The following NRN1 variants were observed in gnomAD, a reference collection of about 807,000 sequenced individuals.
NRN1 encodes neuritin.
A neutral mutation model predicts 15.0 loss-of-function variants in NRN1; 4 were observed. The observed-to-expected ratio is 0.27, with a 90% CI of 0.13 to 0.61. The LOEUF (loss-of-function observed/expected upper bound fraction) is 0.61. Ranked by LOEUF, NRN1 falls within the 20% of genes least tolerant of loss-of-function variation. NRN1 has a pLI of 0.87. For missense variants in NRN1, 134 were observed against 181.9 expected (o/e 0.74, Z 1.51); for synonymous variants, 85 against 79.8 (o/e 1.07, Z -0.35).
At chr6:5,999,414 C>G (rs1460984208) in intron 2 of NRN1, among the ~76,000 whole-genome samples, 1 of 152,196 alleles carries the variant, frequency 6.6e-6, no homozygotes, top group African/African-American at 2.4e-5. Flanking sequence ...CTGTCTAAAG[C>G]GGGGGTGGGG....
At chr6:6,002,111 T>C (rs550372369) in intron 2 of NRN1, among the ~76,000 whole-genome samples, 62 of 152,374 alleles carry the variant, frequency 4.1e-4, no homozygotes, top group Non-Finnish European at 7.3e-4. Flanking sequence ...GAGCTGGGAC[T>C]GGGTCTATAT....
chr6:6,004,760 C>A (rs915301367), intron 1 of NRN1, among the ~76,000 whole-genome samples: 2 of 152,164 alleles, frequency 1.3e-5, no homozygotes, highest in Non-Finnish European at 1.5e-5. Context: ...CCCGCTTAGG[C>A]GAGACTCTAG....
In NRN1 at chr6:5,998,955, C is replaced by CG. The variant is rs760524049; in HGVS notation, c.*20dup. 796 of 1,577,724 alleles carry CG rather than the reference C, an allele frequency of 5.0e-4. 1 individual carries two copies. Among genetic ancestry groups the CG allele is most frequent in the Non-Finnish European group, 6.6e-4 (762 of 1,154,822 alleles). On this transcript the variant is annotated 3_prime_UTR_variant, in exon 3 of 3. Transcript: ENST00000244766. ...CATGGAGTGAGTGTGGGTGGGCGCG[C>CG]GGGGGGAGCTGGCCCCACGCTCAGA...
chr6:6,006,745 C>T lies in NRN1; in HGVS notation c.5G>A (p.Gly2Glu). M[G>E]LKLNGRYISL... ...AATATATCTGCCGTTCAACTTAAGT[C>T]CCATCCTACGTTTAGTCAAACCATT... is the stretch of plus-strand genomic sequence containing the variant. Residue 2 changes from glycine (G) to glutamate (E), a missense_variant, in exon 1 of 3, where the codon GGA becomes GAA. Physicochemically the swap from Gly to Glu is moderately conservative, Grantham distance 98. Coordinates refer to ENST00000244766, the MANE Select transcript of NRN1 (RefSeq NM_016588.3). The T allele has an allele frequency of 6.2e-7, 1 of 1,614,084 alleles. No individual in the cohort carries two copies. Among genetic ancestry groups the T allele is most frequent in the Non-Finnish European group, 8.5e-7 (1 of 1,179,940 alleles).
chr6:6,000,754 C>CTTTTTTTTT (rs1561902807), intron 2 of NRN1, among the ~76,000 whole-genome samples: 13 of 83,746 alleles, frequency 1.6e-4, no homozygotes, highest in African/African-American at 4.9e-4. Context: ...TTTTTATGTA[C>CTTTTTTTTT]GCCCAGATGA....
rs1757828609 is a variant in NRN1 at position 5,998,471 on chromosome 6, T to C, written c.*505A>G. The C allele has an allele frequency of 6.5e-6, 1 of 153,392 alleles. No homozygotes were observed. The highest frequency in any genetic ancestry group is 6.5e-5 in the Admixed American group (1 of 15,436). 9.5% of individuals were successfully genotyped at this position (153,392 alleles called of 1,614,324 possible). On this transcript the variant is annotated 3_prime_UTR_variant, in exon 3 of 3. Transcript: ENST00000244766. ...TGCAGTGGAAATGATCAAAACAAGA[T>C]ACTGTGGAAGAACGACGTGAGCGTG...
At chr6:6,005,090 T>C (rs1418594242) in intron 1 of NRN1, among the ~76,000 whole-genome samples, 3 of 152,130 alleles carry the variant, frequency 2.0e-5, no homozygotes, top group African/African-American at 7.2e-5. Context: ...CCGAGGTTAA[T>C]GTGTTCAAAA....
At chr6:6,003,325 G>A (rs1758015690) in intron 1 of NRN1, 1 of 1,092,150 alleles carries the variant, frequency 9.2e-7, no homozygotes, top group Non-Finnish European at 1.2e-6. Flanking sequence ...AGTCTGCCTG[G>A]GTCACCTCCG....
At position 5,998,715 on chromosome 6, in the gene NRN1, T is replaced by C. The variant is rs1305418055; in HGVS notation, c.*261A>G. 4 of 370,994 alleles carry C rather than the reference T, an allele frequency of 1.1e-5. No individual in the cohort carries two copies. Among genetic ancestry groups the C allele is most frequent in the African/African-American group, 2.1e-5 (1 of 48,324 alleles). The allele number at this position is 370,994 out of a possible 1,614,324, so 23.0% of individuals were successfully genotyped here. On this transcript the variant is annotated 3_prime_UTR_variant, in exon 3 of 3. Transcript: ENST00000244766. ...AAATGGGGTGGGTTTGCCGTTTTCT[T>C]ATTTGTGTGTGAAGACGGACTAAAG...
Position 6,002,606 on chromosome 6 carries a change from C to T in NRN1, c.56-109G>A. 2.8e-6 allele frequency: 4 copies of T among 1,433,716 alleles called. No individual in the cohort carries two copies. In the African/African-American group the frequency reaches 5.6e-5, roughly 20 times the overall value. The allele number at this position is 1,433,716 out of a possible 1,614,324, so 88.8% of individuals were successfully genotyped here. On this transcript the variant is annotated intron_variant, in intron 1 of 2. Coordinates refer to ENST00000244766, the MANE Select transcript of NRN1 (RefSeq NM_016588.3). Reference sequence around the variant, plus strand: ...GCGCGGCCTCATCGCATCGGGCGGCCTCTCCCAGCGCCCAGCCTCGGGGCT... The same window carrying T: ...GCGCGGCCTCATCGCATCGGGCGGCTTCTCCCAGCGCCCAGCCTCGGGGCT...
At chr6:6,000,980 A>G (rs1438450255) in intron 2 of NRN1, among the ~76,000 whole-genome samples, 1 of 152,068 alleles carries the variant, frequency 6.6e-6, no homozygotes, top group African/African-American at 2.4e-5. Context: ...AACAAGTTCC[A>G]CCAAATGACA....
rs199812284 is a variant in NRN1 at position 6,002,510 on chromosome 6, G to A, written c.56-13C>T. The A allele has an allele frequency of 9.9e-6, 16 of 1,608,842 alleles. No homozygotes were observed. The East Asian group carries it at 2.2e-4, about 22-fold the overall frequency. On this transcript the variant is annotated splice_polypyrimidine_tract_variant and intron_variant, in intron 1 of 2. Transcript: ENST00000244766. ...TGCACCAGATACGCTGCGGGGAGGA[G>A]GGAACACCGGTCAGCAGCGCCACGA...
At position 6,003,851 on chromosome 6, in the gene NRN1, A is replaced by G. The variant is rs1265221651; in HGVS notation, c.56-1354T>C. On this transcript the variant is annotated intron_variant, in intron 1 of 2. Transcript: ENST00000244766. ...CGTTAGGGCGGGGAAGAAAGGGTGA[A>G]TCTCAGAATCGAAATCCGCACTGGC... 8.9e-6 allele frequency: 11 copies of G among 1,232,804 alleles called. 1 individual carries two copies. Among genetic ancestry groups the G allele is most frequent in the Middle Eastern group, 4.4e-4 (2 of 4,520 alleles). The allele number at this position is 1,232,804 out of a possible 1,614,324, so 76.4% of individuals were successfully genotyped here. A position where few individuals can be genotyped will look rare whatever the true frequency, so the allele number is the denominator to read the frequency against.
Position 6,006,898 on chromosome 6 carries a change from A to T in NRN1, c.-149T>A. ...GGGAAGGCAGAGGGAGGAGAGAAAG[A>T]GAGGGAGCGAGGAAGAGACAGAAAG... On this transcript the variant is annotated 5_prime_UTR_variant, in exon 1 of 3. Coordinates refer to ENST00000244766, the MANE Select transcript of NRN1 (RefSeq NM_016588.3). The T allele has an allele frequency of 2.0e-6, 1 of 508,980 alleles. No individual in the cohort carries two copies. Among genetic ancestry groups the T allele is most frequent in the South Asian group, 1.8e-5 (1 of 55,960 alleles). 31.5% of individuals were successfully genotyped at this position (508,980 alleles called of 1,614,324 possible).
In NRN1 at chr6:6,005,699, C is replaced by A. The variant is rs368393073; in HGVS notation, c.55+996G>T. 2.0e-5 allele frequency among the ~76,000 whole-genome samples: 3 copies of A among 152,308 alleles called. No homozygotes were observed. In the East Asian group the frequency reaches 5.8e-4, roughly 29 times the overall value. ...GGTAACAATTCCGTTTCAGGAGTTT[C>A]TTTTTTCCCCCGTGTTGTCCATTCT... On this transcript the variant is annotated intron_variant, in intron 1 of 2. Coordinates refer to ENST00000244766, the MANE Select transcript of NRN1 (RefSeq NM_016588.3).
chr6:6,004,387 AAT>A (rs530397281), intron 1 of NRN1, among the ~76,000 whole-genome samples: 9 of 152,144 alleles, frequency 5.9e-5, no homozygotes, highest in East Asian at 5.8e-4. Flanking sequence ...AACGAAATAA[AAT>A]AAAGTCCAAT....
chr6:6,002,937 C>G lies in NRN1; in HGVS notation c.56-440G>C, dbSNP rs1008060684. The G allele has an allele frequency of 3.8e-5, 15 of 399,856 alleles. 1 individual carries two copies. The highest frequency in any genetic ancestry group is 2.1e-4 in the Admixed American group (5 of 23,824). 24.8% of individuals were successfully genotyped at this position (399,856 alleles called of 1,614,324 possible). On this transcript the variant is annotated intron_variant, in intron 1 of 2. Coordinates refer to ENST00000244766, the MANE Select transcript of NRN1 (RefSeq NM_016588.3). ...AATGCGATCTTCCATTTTGAGGTGACAGAAGGGGTCTCGGCTGCAGCGTGC... is the reference window on the plus strand; with the variant it reads ...AATGCGATCTTCCATTTTGAGGTGAGAGAAGGGGTCTCGGCTGCAGCGTGC...
intron 2 of NRN1, 152 bp downstream of exon 2, chr6:6,002,201 C>T: frequency 1.0e-6 from 1 of 1,004,832 alleles, no homozygotes; most frequent in Non-Finnish European, 1.5e-6. Context: ...GGGCCTGGTC[C>T]TAGGCCTGGG....
intron 1 of NRN1, among the ~76,000 whole-genome samples, chr6:6,005,753 A>T (rs1489592412): frequency 5.9e-5 from 9 of 152,244 alleles, no homozygotes; most frequent in South Asian, 4.1e-4. Context: ...TTTCACTTTT[A>T]GGCCACGTTA....
Sources: allele counts gnomAD v4.1 joint callset (sites outside exome capture counted in the v4.1 genomes callset), GRCh38; gene constraint gnomAD v4.1.1; transcripts MANE v1.5; gene names NCBI Gene and HGNC (gene_info 2026-07-23, HGNC 2026-07-21).